Variants in PIEZO1 observed in about 807,000 individuals in gnomAD.
PIEZO1 encodes piezo-type mechanosensitive ion channel component 1.
Under a neutral mutation model 297.2 loss-of-function variants are expected in PIEZO1, and 296 were observed. The ratio of observed to expected loss-of-function variants is 1.00; its 90% CI spans 0.91 to 1.10. The LOEUF (loss-of-function observed/expected upper bound fraction) is 1.10. Among genes scored for constraint, PIEZO1 ranks in the 50% least tolerant of loss-of-function variants. The pLI is 0.00. For synonymous variants in PIEZO1, 2,427 were observed against 1,507.5 expected (o/e 1.61, Z -14.13); for missense variants, 5,018 against 3,455.5 (o/e 1.45, Z -11.34).
intron 2 of PIEZO1, among the ~76,000 whole-genome samples, chr16:88,749,109 G>T (rs187215917): frequency 4.0e-5 from 6 of 151,486 alleles, no homozygotes; most frequent in Admixed American, 6.6e-5. Flanking sequence ...GCGTGGTGGC[G>T]GGCGCCTGTA....
chr16:88,775,747 A>C lies in PIEZO1; in HGVS notation c.64+9154T>G, dbSNP rs371470925. Among the ~76,000 whole-genome samples, 1,221 of 149,650 alleles carry C rather than the reference A, an allele frequency of 8.2e-3. 10 individuals are homozygous for C. The highest frequency in any genetic ancestry group is 0.027 in the South Asian group (126 of 4,698). On this transcript the variant is annotated intron_variant, in intron 1 of 50. Transcript: ENST00000301015. The stretch of plus-strand genomic sequence containing the variant: ...CTGTCAAAAAAAAAAAAAAAAAAGA[A>C]AAGAAAAAAGACATGGCGAAGGGCA...
chr16:88,777,326 C>A lies in PIEZO1; in HGVS notation c.64+7575G>T, dbSNP rs545764099. 3.9e-5 allele frequency among the ~76,000 whole-genome samples: 6 copies of A among 152,358 alleles called. No individual in the cohort carries two copies. In the East Asian group the frequency reaches 9.6e-4, roughly 25 times the overall value. ...GTGCACCCACCAAGGAGGGAGAAAGCGAAGGCAGCGGAGGCCAGGGCAGAG... is the reference window on the plus strand; with the variant it reads ...GTGCACCCACCAAGGAGGGAGAAAGAGAAGGCAGCGGAGGCCAGGGCAGAG... On this transcript the variant is annotated intron_variant, in intron 1 of 50. Transcript: ENST00000301015.
rs1374014816 is a variant in PIEZO1, at chr16:88,726,927, A to G, written c.3487T>C (p.Phe1163Leu). The change falls in exon 25 of 51, where the codon TTC becomes CTC. Residue 1163 changes from phenylalanine (F) to leucine (L), a missense_variant. Coordinates refer to ENST00000301015, the MANE Select transcript of PIEZO1 (RefSeq NM_001142864.4). ...SYLDMLKVAV[F>L]RYLFWLVLVV... is the part of the protein sequence containing the mutation. ...AGCACCAGCCAGAACAGGTATCGGAAGACGGCCACCTTCAGCATGTCAAGG... is the reference window on the plus strand; with the variant it reads ...AGCACCAGCCAGAACAGGTATCGGAGGACGGCCACCTTCAGCATGTCAAGG... 1 of 1,550,424 alleles carries G rather than the reference A, an allele frequency of 6.4e-7. No homozygotes were observed. Among genetic ancestry groups the G allele is most frequent in the Non-Finnish European group, 8.7e-7 (1 of 1,146,900 alleles).
rs1241931109 is a variant in PIEZO1 at position 88,726,733 on chromosome 16, G to C, written c.3681C>G (p.Ile1227Met). 41 of 1,549,914 alleles carry C rather than the reference G, an allele frequency of 2.6e-5. No individual in the cohort carries two copies. Among genetic ancestry groups the C allele is most frequent in the Non-Finnish European group, 3.4e-5 (39 of 1,146,766 alleles). The part of the protein sequence containing the change: ...CLILYNVTVI[I>M]SKNMLSLLAC... ...GGCTCACCGACAGCATGTTCTTGGAGATGATGACGGTGACGTTGTACAGAA... is the reference window on the plus strand; with the variant it reads ...GGCTCACCGACAGCATGTTCTTGGACATGATGACGGTGACGTTGTACAGAA... Residue 1227 changes from isoleucine (I) to methionine (M), a missense_variant, in exon 25 of 51, where the codon ATC becomes ATG. By Grantham distance (10) the Ile-to-Met change is conservative. Coordinates refer to ENST00000301015, the MANE Select transcript of PIEZO1 (RefSeq NM_001142864.4).
At chr16:88,732,901 G>C (rs1018957452) in intron 19 of PIEZO1, 169 bp from the exon 20 acceptor site, 5 of 657,542 alleles carry the variant, frequency 7.6e-6, no homozygotes, top group African/African-American at 7.3e-5. Context: ...CCAGGTGTTT[G>C]AGAAACAGGG....
Position 88,715,707 on chromosome 16 carries a change from C to G in PIEZO1, c.7464G>C (p.Arg2488=). 6.5e-7 allele frequency: 1 copy of G among 1,550,332 alleles called. No homozygotes were observed. The highest frequency in any genetic ancestry group is 1.7e-4 in the Middle Eastern group (1 of 5,992). The change falls in exon 51 of 51, where the codon CGG becomes CGC. Residue 2488 remains arginine (R), a synonymous_variant. Coordinates refer to ENST00000301015, the MANE Select transcript of PIEZO1 (RefSeq NM_001142864.4). ...LKLCQDIFLV[R]ETRELELEEE... is the part of the protein sequence containing the mutation. ...CCTCCAGCTCCAGCTCCCGAGTCTC[C>G]CGCACCAGGAAGATGTCCTGGCAGA...
intron 29 of PIEZO1, 65 bp from the exon 30 acceptor site, chr16:88,725,145 T>C: frequency 8.7e-7 from 1 of 1,151,908 alleles, no homozygotes; most frequent in East Asian, 2.8e-5. Flanking sequence ...GGGCTGTGAG[T>C]GCTCCCGTCT....
chr16:88,749,339 AC>A, intron 2 of PIEZO1, 44 bp downstream of exon 2: 5 of 1,302,220 alleles, frequency 3.8e-6, no homozygotes, highest in Admixed American at 6.6e-5. Context: ...ACGAATGCCC[AC>A]CCCCTCCCAC....
chr16:88,736,030 C>T lies in PIEZO1; in HGVS notation c.1557+118G>A, dbSNP rs1336108625. The T allele has an allele frequency of 1.6e-5, 17 of 1,039,496 alleles. No individual in the cohort carries two copies. In the East Asian group the frequency reaches 3.9e-4, roughly 24 times the overall value. 64.4% of individuals were successfully genotyped at this position (1,039,496 alleles called of 1,614,324 possible). A position where few individuals can be genotyped will look rare whatever the true frequency, so the allele number is the denominator to read the frequency against. ...CTCTGGGTGGGCAGAAGGGGACAGA[C>T]AGACACATCTGCCTTCTTGGCGCTG... is the stretch of plus-strand genomic sequence containing the variant. On this transcript the variant is annotated intron_variant, in intron 12 of 50. Coordinates refer to ENST00000301015, the MANE Select transcript of PIEZO1 (RefSeq NM_001142864.4).
At chr16:88,736,503 C>G in intron 11 of PIEZO1, 95 bp from the exon 12 acceptor site, 1 of 601,452 alleles carries the variant, frequency 1.7e-6, no homozygotes, top group Non-Finnish European at 3.0e-6. Flanking sequence ...AGCTGCCCAG[C>G]GCACCCCACC....
chr16:88,726,171 G>A (rs561989685), intron 27 of PIEZO1, 113 bp downstream of exon 27: 807 of 837,242 alleles, frequency 9.6e-4, no homozygotes, highest in Non-Finnish European at 1.3e-3. Context: ...CCATGTCACA[G>A]AGTGGCAGAG....
In PIEZO1 at chr16:88,725,577, C is replaced by G. The variant is rs1383127993; in HGVS notation, c.4058+18G>C. Reference sequence around the variant, plus strand: ...TTGGGGGGAGGAGCCGGGGAGTCCCCGCCCCAGAGGCACCTACTGTCTTTT... The same window carrying G: ...TTGGGGGGAGGAGCCGGGGAGTCCCGGCCCCAGAGGCACCTACTGTCTTTT... On this transcript the variant is annotated intron_variant, in intron 28 of 50. Coordinates refer to ENST00000301015, the MANE Select transcript of PIEZO1 (RefSeq NM_001142864.4). 1.9e-6 allele frequency: 3 copies of G among 1,538,762 alleles called. No homozygotes were observed. Among genetic ancestry groups the G allele is most frequent in the Non-Finnish European group, 8.8e-7 (1 of 1,136,696 alleles).
intron 23 of PIEZO1, 86 bp downstream of exon 23, chr16:88,727,471 C>T (rs985673665): frequency 1.2e-5 from 8 of 657,852 alleles, no homozygotes; most frequent in African/African-American, 7.4e-5. Flanking sequence ...CCGTGCACGC[C>T]TGTGTGCACA....
chr16:88,781,900 G>A (rs772934229), intron 1 of PIEZO1, among the ~76,000 whole-genome samples: 3 of 152,232 alleles, frequency 2.0e-5, no homozygotes, highest in Admixed American at 1.3e-4. Context: ...AGGAGGTGAC[G>A]CCCAGCTTGC....
chr16:88,723,783 G>A (rs1904302780), intron 31 of PIEZO1, 88 bp downstream of exon 31: 2 of 723,048 alleles, frequency 2.8e-6, no homozygotes, highest in South Asian at 1.6e-5. Context: ...CCCAGGCCCT[G>A]GGGGCATCTG....
intron 1 of PIEZO1, among the ~76,000 whole-genome samples, chr16:88,760,006 T>C (rs1952701683): frequency 6.6e-6 from 1 of 151,828 alleles, no homozygotes; most frequent in Non-Finnish European, 1.5e-5. Context: ...CCCCAGCTGC[T>C]TCACTCCTTC....
At position 88,721,567 on chromosome 16, in the gene PIEZO1, C is replaced by A. The variant is rs1413281691; in HGVS notation, c.5374G>T (p.Ala1792Ser). 1 of 1,550,116 alleles carries A rather than the reference C, an allele frequency of 6.5e-7. No homozygotes were observed. The highest frequency in any genetic ancestry group is 2.4e-5 in the East Asian group (1 of 40,914). The part of the protein sequence containing the change: ...YIKYDLVQLM[A>S]LFFHRSQLLC... ...AGCTGGGAGCGGTGGAAGAAAAGGG[C>A]CATGAGCTGCACCAGGTCGTACTTG... The change falls in exon 38 of 51, where the codon GCC (alanine) becomes TCC (serine). Residue 1792 changes from alanine to serine, a missense_variant. Coordinates refer to ENST00000301015, the MANE Select transcript of PIEZO1 (RefSeq NM_001142864.4).
At position 88,771,126 on chromosome 16, in the gene PIEZO1, C is replaced by T. The variant is rs148509004; in HGVS notation, c.64+13775G>A. 4.8e-4 allele frequency among the ~76,000 whole-genome samples: 73 copies of T among 152,288 alleles called. No homozygotes were observed. In the East Asian group the frequency reaches 0.013, roughly 27 times the overall value. ...GAGCCGTGAGGCAGAGCAGGGCAGG[C>T]GCTAATCTCACAGGGAGATAAAAAT... On this transcript the variant is annotated intron_variant, in intron 1 of 50. Coordinates refer to ENST00000301015, the MANE Select transcript of PIEZO1 (RefSeq NM_001142864.4).
chr16:88,741,437 G>A (rs778170300), intron 5 of PIEZO1, 41 bp downstream of exon 5: 19 of 1,493,468 alleles, frequency 1.3e-5, no homozygotes, highest in African/African-American at 4.2e-5. Flanking sequence ...CACAGCTCTC[G>A]AATGACCTCC....
Sources: gnomAD v4.1 joint callset for allele counts (sites outside exome capture counted in the v4.1 genomes callset) on GRCh38, gnomAD v4.1.1 for gene constraint, MANE v1.5 for transcripts, NCBI Gene and HGNC (gene_info 2026-07-23, HGNC 2026-07-21) for gene names.